THSD7B: variants seen among roughly 807,000 people sequenced by gnomAD.
The protein encoded by THSD7B is thrombospondin type 1 domain containing 7B.
In THSD7B, 138 loss-of-function variants were observed where a neutral mutation model predicts 213.6. The observed-to-expected ratio is 0.65, with a 90% CI of 0.56 to 0.74. The LOEUF (loss-of-function observed/expected upper bound fraction) is 0.74, where lower values mean the gene tolerates loss of function less well. Among genes scored for constraint, THSD7B ranks in the 30% least tolerant of loss-of-function variants. THSD7B has a pLI of 0.00. For missense variants in THSD7B, 1,931 were observed against 1,991.5 expected (o/e 0.97, Z 0.58); for synonymous variants, 742 against 687.0 (o/e 1.08, Z -1.25).
intron 14 of THSD7B, among the ~76,000 whole-genome samples, chr2:137,450,493 C>T (rs115257884): frequency 0.034 from 5,135 of 152,276 alleles, 134 homozygotes; most frequent in Middle Eastern, 0.065. Flanking sequence ...TATAATCCCT[C>T]TTCTAGACAG....
intron 2 of THSD7B, among the ~76,000 whole-genome samples, chr2:136,917,477 GC>G (rs1353810211): frequency 6.6e-6 from 1 of 152,196 alleles, no homozygotes; most frequent in African/African-American, 2.4e-5. Context: ...TGAGCTCTCA[GC>G]TGGGGGTGGG....
intron 2 of THSD7B, among the ~76,000 whole-genome samples, chr2:136,957,386 G>A (rs576493967): frequency 1.3e-5 from 2 of 151,884 alleles, no homozygotes; most frequent in South Asian, 4.2e-4. Context: ...TATGAGCCCA[G>A]AGTCCTGCTG....
intron 2 of THSD7B, among the ~76,000 whole-genome samples, chr2:136,962,223 C>G (rs1685231165): frequency 6.6e-6 from 1 of 152,130 alleles, no homozygotes; most frequent in Non-Finnish European, 1.5e-5. Context: ...CAGATGCTCC[C>G]CTCAAGCTTG....
chr2:137,144,809 A>T (rs746053500), intron 5 of THSD7B, among the ~76,000 whole-genome samples: 2 of 152,072 alleles, frequency 1.3e-5, no homozygotes, highest in Non-Finnish European at 2.9e-5. Flanking sequence ...AGGGATTGGG[A>T]TATGAATTAA....
intron 2 of THSD7B, among the ~76,000 whole-genome samples, chr2:136,951,663 C>T (rs1296190697): frequency 6.6e-6 from 1 of 152,146 alleles, no homozygotes; most frequent in Non-Finnish European, 1.5e-5. Context: ...GAATAGTATT[C>T]TGTGGGGGAA....
chr2:137,382,081 C>T (rs749432326), intron 12 of THSD7B, among the ~76,000 whole-genome samples: 5 of 152,018 alleles, frequency 3.3e-5, no homozygotes, highest in African/African-American at 4.8e-5. Flanking sequence ...GACCACTTGA[C>T]GATTGAATTG....
Position 137,285,587 on chromosome 2 carries a change from T to C in THSD7B, c.2500+9561T>C, listed in dbSNP as rs1573934460. ...AGTGCTTCCTTCAGGAGCTCTTTTT[T>C]TTTTTTTTTTAGAAAAGATGGAATT... On this transcript the variant is annotated intron_variant, in intron 12 of 27. Transcript: ENST00000409968. 2.0e-5 allele frequency among the ~76,000 whole-genome samples: 3 copies of C among 151,570 alleles called. No homozygotes were observed. In the East Asian group the frequency reaches 5.8e-4, roughly 29 times the overall value.
intron 9 of THSD7B, among the ~76,000 whole-genome samples, chr2:137,237,310 T>C (rs1170663378): frequency 6.6e-6 from 1 of 152,314 alleles, no homozygotes; most frequent in East Asian, 1.9e-4. Context: ...CAAGGGGCCA[T>C]GTATGCTTAC....
At chr2:136,876,613 T>C (rs1200719760) in intron 1 of THSD7B, among the ~76,000 whole-genome samples, 1 of 152,226 alleles carries the variant, frequency 6.6e-6, no homozygotes, top group Non-Finnish European at 1.5e-5. Context: ...CAGTCCATTC[T>C]TTGTTGTGTT....
chr2:137,426,726 C>A (rs1041972430), intron 14 of THSD7B, among the ~76,000 whole-genome samples: 1 of 152,114 alleles, frequency 6.6e-6, no homozygotes, highest in Admixed American at 6.5e-5. Context: ...GGGAAACATT[C>A]ATGACATTGG....
At chr2:137,372,320 A>AAT (rs2104951063) in intron 12 of THSD7B, among the ~76,000 whole-genome samples, 1 of 83,152 alleles carries the variant, frequency 1.2e-5, no homozygotes, top group Non-Finnish European at 2.6e-5. Flanking sequence ...GTCTGATAAT[A>AAT]CTCTTTTTTT....
intron 12 of THSD7B, among the ~76,000 whole-genome samples, chr2:137,388,344 T>TAA (rs59017100): frequency 7.0e-6 from 1 of 143,820 alleles, no homozygotes; most frequent in Non-Finnish European, 1.5e-5. Flanking sequence ...AAAGTAACAG[T>TAA]AAAAAAAAAA....
intron 12 of THSD7B, among the ~76,000 whole-genome samples, chr2:137,302,105 C>T (rs963542314): frequency 6.6e-6 from 1 of 151,816 alleles, no homozygotes; most frequent in Non-Finnish European, 1.5e-5. Context: ...GTTGATAGGC[C>T]CTATAAATGT....
chr2:137,386,474 C>T (rs1341786771), intron 12 of THSD7B, among the ~76,000 whole-genome samples: 1 of 152,014 alleles, frequency 6.6e-6, no homozygotes, highest in Non-Finnish European at 1.5e-5. Context: ...AGGTAGAGGC[C>T]CTCAATTTTT....
chr2:137,358,442 G>A (rs934523309), intron 12 of THSD7B, among the ~76,000 whole-genome samples: 8 of 152,178 alleles, frequency 5.3e-5, no homozygotes, highest in Non-Finnish European at 1.2e-4. Context: ...TTATTTAGAT[G>A]TGAACTTATT....
At chr2:137,131,713 A>G (rs577396751) in intron 5 of THSD7B, among the ~76,000 whole-genome samples, 179 of 152,148 alleles carry the variant, frequency 1.2e-3, no homozygotes, top group African/African-American at 3.8e-3. Context: ...TATTTCTGAG[A>G]GCTCTGTTCT....
At chr2:137,280,036 T>C (rs990272669) in intron 12 of THSD7B, among the ~76,000 whole-genome samples, 1 of 152,176 alleles carries the variant, frequency 6.6e-6, no homozygotes, top group African/African-American at 2.4e-5. Flanking sequence ...TGCTATGTTT[T>C]AGAATTGCAA....
intron 1 of THSD7B, among the ~76,000 whole-genome samples, chr2:136,807,588 G>T (rs11683910): frequency 0.15 from 21,155 of 143,164 alleles, 2,192 homozygotes; most frequent in Non-Finnish European, 0.22. Flanking sequence ...CTCGCTGCAA[G>T]CTCTGCCTCC....
chr2:137,030,206 A>T (rs1686639195), intron 2 of THSD7B, among the ~76,000 whole-genome samples: 2 of 152,210 alleles, frequency 1.3e-5, no homozygotes, highest in Admixed American at 6.5e-5. Context: ...ATACTCCAGG[A>T]AGGGACATGC....
Sources: gnomAD v4.1 joint callset for allele counts (sites outside exome capture counted in the v4.1 genomes callset) on GRCh38, gnomAD v4.1.1 for gene constraint, MANE v1.5 for transcripts, NCBI Gene and HGNC (gene_info 2026-07-23, HGNC 2026-07-21) for gene names.